The following PRKN variants were observed in gnomAD, a reference collection of about 807,000 sequenced individuals.
The protein encoded by PRKN is E3 ubiquitin-protein ligase parkin.
In PRKN, 56 loss-of-function variants were observed where a neutral mutation model predicts 59.5. That is an observed-to-expected ratio of 0.94 (90% CI 0.76 to 1.18). PRKN has a LOEUF of 1.18. PRKN is among the 50% of genes most tolerant of loss of function. PRKN has a pLI of 0.00. For synonymous variants in PRKN, 250 were observed against 222.1 expected (o/e 1.13, Z -1.12); for missense variants, 657 against 596.4 (o/e 1.10, Z -1.06).
At chr6:162,043,307 A>G (rs1316303130) in intron 5 of PRKN, among the ~76,000 whole-genome samples, 1 of 152,210 alleles carries the variant, frequency 6.6e-6, no homozygotes, top group Non-Finnish European at 1.5e-5. Context: ...AAAAATCACA[A>G]TGCTGGGATC....
intron 1 of PRKN, among the ~76,000 whole-genome samples, chr6:162,506,358 G>A (rs1793609690): frequency 6.6e-6 from 1 of 151,814 alleles, no homozygotes; most frequent in African/African-American, 2.4e-5. Context: ...AAAGGATCAT[G>A]TGGTAGAGAA....
rs984021237 is a variant in PRKN, at chr6:161,456,853, C to T, written c.1084-69976G>A. ...GGGCTTCCTCAGGAGAAGAGATGGT[C>T]TCATTGCTCAGGGAACCTTTTCTCC... On this transcript the variant is annotated intron_variant, in intron 9 of 11. Coordinates refer to ENST00000366898, the MANE Select transcript of PRKN (RefSeq NM_004562.3). The surrounding 1 kb of genome is among the most constrained non-coding windows in gnomAD (Gnocchi z 4.8). Among the ~76,000 whole-genome samples the T allele has an allele frequency of 6.7e-6, 1 of 149,280 alleles. No individual in the cohort carries two copies. The highest frequency in any genetic ancestry group is 1.5e-5 in the Non-Finnish European group (1 of 68,028).
chr6:161,476,103 T>C (rs113213845), intron 9 of PRKN, among the ~76,000 whole-genome samples: 35,980 of 150,056 alleles, frequency 0.24, 4,897 homozygotes, highest in African/African-American at 0.37. Flanking sequence ...CGGAGAATGG[T>C]GTGGACCCGG....
intron 1 of PRKN, among the ~76,000 whole-genome samples, chr6:162,650,646 G>A (rs1778394444): frequency 6.7e-6 from 1 of 150,284 alleles, no homozygotes; most frequent in Non-Finnish European, 1.5e-5. Context: ...TGAAACCTCA[G>A]AGAGATTTTA....
In PRKN at chr6:161,413,180, G is replaced by C. The variant is rs199786853; in HGVS notation, c.1084-26303C>G. 4.6e-5 allele frequency among the ~76,000 whole-genome samples: 7 copies of C among 152,294 alleles called. No individual in the cohort carries two copies. The East Asian group carries it at 1.4e-3, about 29-fold the overall frequency. On this transcript the variant is annotated intron_variant, in intron 9 of 11. Coordinates refer to ENST00000366898, the MANE Select transcript of PRKN (RefSeq NM_004562.3). The surrounding 1 kb of genome is among the most constrained non-coding windows in gnomAD (Gnocchi z 4.4). ...AGGGGCGGAGGAATGTGCATTTAGG[G>C]TCGTGGGACCCCTTCCCATTTATTT...
intron 1 of PRKN, among the ~76,000 whole-genome samples, chr6:162,647,978 G>A (rs987756799): frequency 0.017 from 701 of 40,876 alleles, no homozygotes; most frequent in Middle Eastern, 0.03. Flanking sequence ...AAAAAAAAAA[G>A]TCTACGGGGC....
chr6:162,075,417 T>C (rs901764495), intron 4 of PRKN, among the ~76,000 whole-genome samples: 3 of 151,498 alleles, frequency 2.0e-5, no homozygotes, highest in South Asian at 2.1e-4. Flanking sequence ...TTTTGGTGTG[T>C]AGTATAGTAC....
In PRKN at chr6:161,538,543, G is replaced by A. The variant is rs981772974; in HGVS notation, c.1083+10311C>T. On this transcript the variant is annotated intron_variant, in intron 9 of 11. Coordinates refer to ENST00000366898, the MANE Select transcript of PRKN (RefSeq NM_004562.3). This position sits in a 1 kb window ranked among gnomAD's most constrained non-coding sequence, Gnocchi z 4.2. Reference sequence around the variant, plus strand: ...GCCAGGACAGATCAGATTTGCCTAGGGGACACTTCAAGTTTCCACTTCTTG... The same window carrying A: ...GCCAGGACAGATCAGATTTGCCTAGAGGACACTTCAAGTTTCCACTTCTTG... Among the ~76,000 whole-genome samples, 1 of 151,982 alleles carries A rather than the reference G, an allele frequency of 6.6e-6. No homozygotes were observed. The highest frequency in any genetic ancestry group is 2.4e-5 in the African/African-American group (1 of 41,370).
At chr6:161,759,464 AT>A (rs1480702554) in intron 7 of PRKN, among the ~76,000 whole-genome samples, 2 of 150,944 alleles carry the variant, frequency 1.3e-5, no homozygotes, top group African/African-American at 4.9e-5. Flanking sequence ...ATTATGTCCC[AT>A]TTTGACTTGT....
chr6:161,413,608 A>G lies in PRKN; in HGVS notation c.1084-26731T>C, dbSNP rs1415075932. Among the ~76,000 whole-genome samples, 1 of 152,114 alleles carries G rather than the reference A, an allele frequency of 6.6e-6. No individual in the cohort carries two copies. Among genetic ancestry groups the G allele is most frequent in the African/African-American group, 2.4e-5 (1 of 41,392 alleles). ...AAGCCTGGGAACTGGGGGTGTTGGCATGAGATGAAGCTCACAGAGGCATGG... is the reference window on the plus strand; with the variant it reads ...AAGCCTGGGAACTGGGGGTGTTGGCGTGAGATGAAGCTCACAGAGGCATGG... On this transcript the variant is annotated intron_variant, in intron 9 of 11. Coordinates refer to ENST00000366898, the MANE Select transcript of PRKN (RefSeq NM_004562.3). The surrounding 1 kb of genome is among the most constrained non-coding windows in gnomAD (Gnocchi z 4.4).
At position 161,352,771 on chromosome 6, in the gene PRKN, A is replaced by ATATATATTTTTTTT. The variant is rs34279714; in HGVS notation, c.1286-2561_1286-2560insAAAAAAAATATATA. 1.0e-4 allele frequency among the ~76,000 whole-genome samples: 12 copies of ATATATATTTTTTTT among 116,890 alleles called. 1 individual carries two copies. In the Middle Eastern group the frequency reaches 0.021, roughly 203 times the overall value. The allele number at this position is 116,890 out of a possible 152,430, so 76.7% of individuals were successfully genotyped here. On this transcript the variant is annotated intron_variant, in intron 11 of 11. Coordinates refer to ENST00000366898, the MANE Select transcript of PRKN (RefSeq NM_004562.3). The surrounding 1 kb of genome is among the most constrained non-coding windows in gnomAD (Gnocchi z 5.8). Reference sequence around the variant, plus strand: ...TGTGTGTGTGTATATATATATATATATTTTATTTTATTTTATTTTATTTTT... The same window carrying ATATATATTTTTTTT: ...TGTGTGTGTGTATATATATATATATATATATATTTTTTTTTTTTATTTTATTTTATTTTATTTTT...
At chr6:161,906,672 A>G (rs938662907) in intron 6 of PRKN, among the ~76,000 whole-genome samples, 2 of 116,812 alleles carry the variant, frequency 1.7e-5, no homozygotes, top group Non-Finnish European at 4.0e-5. Context: ...ATATATATAT[A>G]TATGTATATA....
At chr6:162,518,276 T>C (rs1777948685) in intron 1 of PRKN, among the ~76,000 whole-genome samples, 2 of 152,194 alleles carry the variant, frequency 1.3e-5, no homozygotes, top group South Asian at 4.1e-4. Flanking sequence ...AGTAGTTCTA[T>C]ATACACACAC....
chr6:161,629,942 T>C (rs1350156540), intron 7 of PRKN, among the ~76,000 whole-genome samples: 1 of 152,228 alleles, frequency 6.6e-6, no homozygotes, highest in Non-Finnish European at 1.5e-5. Flanking sequence ...TCTGAGTCTC[T>C]AGCTTAAGGG....
chr6:161,962,511 G>A (rs1447592659), intron 6 of PRKN, among the ~76,000 whole-genome samples: 2 of 150,408 alleles, frequency 1.3e-5, no homozygotes, highest in Non-Finnish European at 1.5e-5. Context: ...TCTAGCAAGG[G>A]TCTCTTAGAT....
intron 7 of PRKN, among the ~76,000 whole-genome samples, chr6:161,590,936 T>G (rs1583268937): frequency 6.6e-6 from 1 of 152,290 alleles, no homozygotes; most frequent in East Asian, 1.9e-4. Flanking sequence ...TGGGATTTTC[T>G]TCTTACTATT....
intron 4 of PRKN, among the ~76,000 whole-genome samples, chr6:162,134,840 C>T (rs1243461271): frequency 6.6e-6 from 1 of 152,126 alleles, no homozygotes; most frequent in Non-Finnish European, 1.5e-5. Context: ...CCTATGCTAG[C>T]ACTGTTGAAA....
intron 5 of PRKN, among the ~76,000 whole-genome samples, chr6:162,013,429 T>C (rs1161126691): frequency 6.6e-6 from 1 of 151,880 alleles, no homozygotes; most frequent in Non-Finnish European, 1.5e-5. Context: ...GAATCAACCA[T>C]TTCTATGAGG....
At chr6:162,491,295 C>T (rs1223738474) in intron 1 of PRKN, among the ~76,000 whole-genome samples, 1 of 150,660 alleles carries the variant, frequency 6.6e-6, no homozygotes, top group East Asian at 1.9e-4. Flanking sequence ...AACCAACCAA[C>T]CAAGGATGGC....
Sources: gnomAD v4.1 joint callset for allele counts (sites outside exome capture counted in the v4.1 genomes callset) on GRCh38, gnomAD v4.1.1 for gene constraint, Gnocchi (gnomAD v3.1) non-coding constraint, MANE v1.5 for transcripts, NCBI Gene and HGNC (gene_info 2026-07-23, HGNC 2026-07-21) for gene names.